Variants in MYO6 observed in about 807,000 individuals in gnomAD.
MYO6 encodes unconventional myosin-VI.
Under a neutral mutation model 178.7 loss-of-function variants are expected in MYO6, and 74 were observed. That is an observed-to-expected ratio of 0.41 (90% CI 0.34 to 0.50). The LOEUF (loss-of-function observed/expected upper bound fraction) is 0.50. Among genes scored for constraint, MYO6 ranks in the 20% least tolerant of loss-of-function variants. The pLI, the probability that MYO6 is intolerant of heterozygous loss-of-function variation, is 0.09. For missense variants in MYO6, 1,330 were observed against 1,547.4 expected (o/e 0.86, Z 2.36); for synonymous variants, 477 against 504.6 (o/e 0.95, Z 0.73).
Position 75,917,650 on chromosome 6 carries a change from G to C in MYO6, c.*2638G>C, listed in dbSNP as rs1447724711. On this transcript the variant is annotated 3_prime_UTR_variant, in exon 35 of 35. Coordinates refer to ENST00000369977, the MANE Select transcript of MYO6 (RefSeq NM_004999.4). ...CTATTGTTATGCTCATTCTGCTTCT[G>C]TAATGACTTTTCATAGGTCATTCTT... The C allele has an allele frequency of 6.6e-6, 1 of 152,322 alleles. No homozygotes were observed. Among genetic ancestry groups the C allele is most frequent in the East Asian group, 1.9e-4 (1 of 5,194 alleles). The allele number at this position is 152,322 out of a possible 1,614,324, so 9.4% of individuals were successfully genotyped here.
chr6:75,798,686 C>T (rs1769108640), intron 1 of MYO6, among the ~76,000 whole-genome samples: 1 of 152,144 alleles, frequency 6.6e-6, no homozygotes, highest in Admixed American at 6.6e-5. Context: ...AAAGCTGAAA[C>T]TATTCTCCTT....
In MYO6 at chr6:75,907,701, T is replaced by C; in HGVS notation, c.3273T>C (p.Thr1091=). 1 of 1,609,290 alleles carries C rather than the reference T, an allele frequency of 6.2e-7. No individual in the cohort carries two copies. The highest frequency in any genetic ancestry group is 8.5e-7 in the Non-Finnish European group (1 of 1,176,420). ...CAGAACTACGTGATACCATCAATAC[T>C]TCTTGTGGTAAGTGTTTGGAGAAGA... ...KYAELRDTIN[T]SCDIELLAAC... Residue 1091 remains threonine (T), a synonymous_variant, in exon 31 of 35, where the codon ACT becomes ACC. Coordinates refer to ENST00000369977, the MANE Select transcript of MYO6 (RefSeq NM_004999.4).
intron 34 of MYO6, among the ~76,000 whole-genome samples, chr6:75,914,520 A>G (rs1417915616): frequency 6.6e-6 from 1 of 152,070 alleles, no homozygotes; most frequent in Non-Finnish European, 1.5e-5. Flanking sequence ...AAACCTTTCC[A>G]TTTGTGTTTC....
chr6:75,772,297 T>C (rs1211673384), intron 1 of MYO6, among the ~76,000 whole-genome samples: 5 of 152,092 alleles, frequency 3.3e-5, no homozygotes, highest in Non-Finnish European at 7.4e-5. Context: ...GGCCATTTGA[T>C]CATTGATGTG....
Position 75,866,836 on chromosome 6 carries a change from A to G in MYO6, c.1771-96A>G, listed in dbSNP as rs1776745980. The G allele has an allele frequency of 6.0e-6, 8 of 1,338,448 alleles. No individual in the cohort carries two copies. In the South Asian group the frequency reaches 9.6e-5, roughly 16 times the overall value. 82.9% of individuals were successfully genotyped at this position (1,338,448 alleles called of 1,614,324 possible). On this transcript the variant is annotated intron_variant, in intron 17 of 34. Transcript: ENST00000369977. ...GCGTTGGACAGTGCAGATACAGAAC[A>G]TTTCTGTCATCACAGAAAGTTCCTT...
intron 30 of MYO6, among the ~76,000 whole-genome samples, chr6:75,904,285 A>C (rs1443452767): frequency 1.3e-5 from 2 of 149,968 alleles, no homozygotes. Context: ...GCCTTGCTAG[A>C]TTGGGTAAGT....
chr6:75,757,788 G>A (rs529061776), intron 1 of MYO6, among the ~76,000 whole-genome samples: 42 of 151,934 alleles, frequency 2.8e-4, no homozygotes, highest in African/African-American at 9.9e-4. Context: ...TACCTGGTGT[G>A]GTTCTTATGA....
intron 3 of MYO6, among the ~76,000 whole-genome samples, chr6:75,826,221 C>T (rs910623417): frequency 6.6e-6 from 1 of 152,202 alleles, no homozygotes; most frequent in Admixed American, 6.5e-5. Context: ...TTTCCTCTCC[C>T]TCTCTCTTTT....
At chr6:75,782,328 AC>A (rs1767066231) in intron 1 of MYO6, among the ~76,000 whole-genome samples, 1 of 152,088 alleles carries the variant, frequency 6.6e-6, no homozygotes, top group South Asian at 2.1e-4. Context: ...ATAAATTCTT[AC>A]CTTACACTGT....
chr6:75,845,187 T>C (rs1339417071), intron 10 of MYO6, among the ~76,000 whole-genome samples: 1 of 152,216 alleles, frequency 6.6e-6, no homozygotes, highest in Non-Finnish European at 1.5e-5. Context: ...CTGGTTCTTC[T>C]GGTTGGGCAT....
Position 75,847,462 on chromosome 6 carries a change from C to T in MYO6, c.898-889C>T, listed in dbSNP as rs188216712. Among the ~76,000 whole-genome samples, 892 of 152,112 alleles carry T rather than the reference C, an allele frequency of 5.9e-3. 8 individuals are homozygous for T. The highest frequency in any genetic ancestry group is 0.01 in the Non-Finnish European group (698 of 67,904). On this transcript the variant is annotated intron_variant, in intron 10 of 34. Transcript: ENST00000369977. ...TGGAAAATTTCTAGTACAATCTTTT[C>T]GTGTCCAGTAACTTTTATGTTTCTC...
intron 1 of MYO6, among the ~76,000 whole-genome samples, chr6:75,799,409 A>G (rs1562174995): frequency 6.7e-6 from 1 of 149,716 alleles, no homozygotes; most frequent in Non-Finnish European, 1.5e-5. Context: ...AAAAAAAAGT[A>G]TTTTACTTTG....
At chr6:75,770,989 C>T (rs1017039067) in intron 1 of MYO6, among the ~76,000 whole-genome samples, 1 of 150,992 alleles carries the variant, frequency 6.6e-6, no homozygotes, top group Non-Finnish European at 1.5e-5. Flanking sequence ...AAGATAACAG[C>T]ACTTTTTTTT....
At chr6:75,867,895 A>G (rs1256930423) in intron 18 of MYO6, among the ~76,000 whole-genome samples, 1 of 152,188 alleles carries the variant, frequency 6.6e-6, no homozygotes, top group Non-Finnish European at 1.5e-5. Flanking sequence ...AAATTTGTGA[A>G]GTTATGAGTT....
Position 75,881,967 on chromosome 6 carries a change from T to C in MYO6, c.2416+149T>C, listed in dbSNP as rs1778068361. Reference sequence around the variant, plus strand: ...CAGGTTCCTATTTGTAGATGTTCTTTCTTTTTTTATTTTTTGAGTGTATGA... The same window carrying C: ...CAGGTTCCTATTTGTAGATGTTCTTCCTTTTTTTATTTTTTGAGTGTATGA... On this transcript the variant is annotated intron_variant, in intron 23 of 34. Coordinates refer to ENST00000369977, the MANE Select transcript of MYO6 (RefSeq NM_004999.4). The C allele has an allele frequency of 5.7e-6, 5 of 880,928 alleles. No homozygotes were observed. In the East Asian group the frequency reaches 1.0e-4, roughly 18 times the overall value. The allele number at this position is 880,928 out of a possible 1,614,324, so 54.6% of individuals were successfully genotyped here.
intron 2 of MYO6, among the ~76,000 whole-genome samples, chr6:75,818,474 T>A (rs1771514975): frequency 6.6e-6 from 1 of 152,208 alleles, no homozygotes; most frequent in Admixed American, 6.5e-5. Flanking sequence ...AATATCTTAT[T>A]CCCATGATAG....
intron 23 of MYO6, among the ~76,000 whole-genome samples, chr6:75,883,029 G>A (rs532853214): frequency 2.6e-5 from 4 of 152,258 alleles, no homozygotes; most frequent in East Asian, 3.9e-4. Context: ...TTTTACAAGT[G>A]CAGATGTATG....
At chr6:75,762,177 C>T (rs760347516) in intron 1 of MYO6, among the ~76,000 whole-genome samples, 5 of 152,238 alleles carry the variant, frequency 3.3e-5, no homozygotes, top group Non-Finnish European at 4.4e-5. Context: ...CCTCATGATC[C>T]GCCTGCCTCG....
Position 75,917,924 on chromosome 6 carries a change from A to G in MYO6, c.*2912A>G, listed in dbSNP as rs764609406. The G allele has an allele frequency of 1.3e-5, 2 of 152,578 alleles. No individual in the cohort carries two copies. The highest frequency in any genetic ancestry group is 2.9e-5 in the Non-Finnish European group (2 of 68,034). The allele number at this position is 152,578 out of a possible 1,614,324, so 9.5% of individuals were successfully genotyped here. ...GAAGTAGCTTAAGAGTACTTGGATC[A>G]GTAGAATAAATATTTATTGAATCAA... On this transcript the variant is annotated 3_prime_UTR_variant, in exon 35 of 35. Transcript: ENST00000369977.
Sources: allele counts gnomAD v4.1 joint callset (sites outside exome capture counted in the v4.1 genomes callset), GRCh38; gene constraint gnomAD v4.1.1; transcripts MANE v1.5; gene names NCBI Gene and HGNC (gene_info 2026-07-23, HGNC 2026-07-21).